Variants in YES1 observed in about 807,000 individuals in gnomAD.
The protein encoded by YES1 is tyrosine-protein kinase Yes.
A neutral mutation model predicts 70.4 loss-of-function variants in YES1; 39 were observed. That is an observed-to-expected ratio of 0.55 (90% confidence interval 0.43 to 0.72). YES1 has a LOEUF of 0.72. Ranked by LOEUF, YES1 falls within the 30% of genes least tolerant of loss-of-function variation. The probability of loss-of-function intolerance (pLI) is 0.00; values close to 1 mark genes in which losing one functional copy is unlikely to be tolerated. For missense variants in YES1, 495 were observed against 644.8 expected, an observed-to-expected ratio of 0.77 and a Z score of 2.52; for synonymous variants, 198 against 218.6, an observed-to-expected ratio of 0.91 and a Z score of 0.83.
intron 1 of YES1, among the ~76,000 whole-genome samples, chr18:808,142 G>A (rs1477291857): frequency 6.6e-6 from 1 of 152,190 alleles, no homozygotes; most frequent in African/African-American, 2.4e-5. Flanking sequence ...ACCCAACGCA[G>A]ACCAGGATAT....
At chr18:732,435 TAAAAAAA>T (rs11460599) in intron 11 of YES1, among the ~76,000 whole-genome samples, 1 of 90,486 alleles carries the variant, frequency 1.1e-5, no homozygotes, top group Non-Finnish European at 2.0e-5. Context: ...AGACTGTGTT[TAAAAAAA>T]AAAAAAAAAA....
Position 756,837 on chromosome 18 carries a change from T to C in YES1, c.-8-2A>G, listed in dbSNP as rs773348637. 2.3e-5 allele frequency: 37 copies of C among 1,608,492 alleles called. No individual in the cohort carries two copies. Among genetic ancestry groups the C allele is most frequent in the Non-Finnish European group, 3.1e-5 (37 of 1,177,120 alleles). On this transcript the variant is annotated splice_acceptor_variant, in intron 1 of 11. Transcript: ENST00000314574. LOFTEE classifies it low-confidence loss of function (5UTR_SPLICE). The stretch of plus-strand genomic sequence containing the variant: ...TTTTAATGCAGCCCATTATCAAATC[T>C]ACAGAGACAATAAAATATTTTGAGA...
chr18:748,050 G>A lies in YES1; in HGVS notation c.372-32C>T, dbSNP rs377206011. The stretch of plus-strand genomic sequence containing the variant: ...CACATAAAACAGCAATCACCGCAAG[G>A]TAGACTATTGCCCAAGGTACAATAT... On this transcript the variant is annotated intron_variant, in intron 3 of 11. Coordinates refer to ENST00000314574, the MANE Select transcript of YES1 (RefSeq NM_005433.4). The A allele has an allele frequency of 1.1e-5, 18 of 1,584,166 alleles. No homozygotes were observed. The African/African-American group carries it at 2.3e-4, about 20-fold the overall frequency.
chr18:759,140 T>C (rs961654865), intron 1 of YES1, among the ~76,000 whole-genome samples: 1 of 152,218 alleles, frequency 6.6e-6, no homozygotes, highest in Non-Finnish European at 1.5e-5. Context: ...TAAATTGGTA[T>C]ATTCTAAAGA....
At chr18:745,646 G>C in intron 6 of YES1, 62 bp downstream of exon 6, 1 of 1,432,846 alleles carries the variant, frequency 7.0e-7, no homozygotes, top group South Asian at 1.3e-5. Context: ...TGAGGATATG[G>C]ATTTTGTCCT....
chr18:784,136 C>T (rs976473563), intron 1 of YES1, among the ~76,000 whole-genome samples: 5 of 152,052 alleles, frequency 3.3e-5, no homozygotes, highest in African/African-American at 4.8e-5. Context: ...GTCCATGGGA[C>T]AGTTACTAAA....
chr18:735,837 A>G (rs1014919470), intron 10 of YES1: 1 of 152,208 alleles, frequency 6.6e-6, no homozygotes, highest in Non-Finnish European at 1.5e-5. Context: ...AAAAAGTGGC[A>G]GCTAAATTAG....
In YES1 at chr18:760,142, T is replaced by C. The variant is rs557887490; in HGVS notation, c.-8-3307A>G. On this transcript the variant is annotated intron_variant, in intron 1 of 11. Coordinates refer to ENST00000314574, the MANE Select transcript of YES1 (RefSeq NM_005433.4). ...CATCTGGGTTGGTTCCAAGTCTTTGTTATTGTGAATAGTGCAATCTGGAGA... is the reference window on the plus strand; with the variant it reads ...CATCTGGGTTGGTTCCAAGTCTTTGCTATTGTGAATAGTGCAATCTGGAGA... Among the ~76,000 whole-genome samples, 19 of 152,184 alleles carry C rather than the reference T, an allele frequency of 1.2e-4. 1 individual carries two copies. Among genetic ancestry groups the C allele is most frequent in the South Asian group, 1.0e-3 (5 of 4,810 alleles).
At chr18:766,521 C>T (rs1446646911) in intron 1 of YES1, among the ~76,000 whole-genome samples, 2 of 150,310 alleles carry the variant, frequency 1.3e-5, no homozygotes, top group African/African-American at 4.9e-5. Context: ...TAGGAAGCAA[C>T]CATTAGAGTT....
At chr18:778,519 A>G (rs975360130) in intron 1 of YES1, among the ~76,000 whole-genome samples, 3 of 152,218 alleles carry the variant, frequency 2.0e-5, no homozygotes, top group Non-Finnish European at 2.9e-5. Flanking sequence ...CATTATTCCT[A>G]TAAATGAACT....
At position 791,211 on chromosome 18, in the gene YES1, T is replaced by C. The variant is rs563105196; in HGVS notation, c.-9+20903A>G. On this transcript the variant is annotated intron_variant, in intron 1 of 11. Transcript: ENST00000314574. ...GTTGCAGTGAGCCAAGATTGTGCCA[T>C]TGCACTCCAGCCTGGCCAACAAGAG... Among the ~76,000 whole-genome samples the C allele has an allele frequency of 1.7e-4, 25 of 149,804 alleles. No individual in the cohort carries two copies. The South Asian group carries it at 2.7e-3, about 16-fold the overall frequency.
chr18:801,936 C>G (rs1906846620), intron 1 of YES1, among the ~76,000 whole-genome samples: 1 of 151,138 alleles, frequency 6.6e-6, no homozygotes, highest in Non-Finnish European at 1.5e-5. Context: ...TTTGGACTTA[C>G]TATATCATTT....
intron 8 of YES1, among the ~76,000 whole-genome samples, chr18:742,531 T>C (rs2145705053): frequency 6.6e-6 from 1 of 152,230 alleles, no homozygotes; most frequent in African/African-American, 2.4e-5. Flanking sequence ...ATTATGTTTA[T>C]ATTAAAATGA....
intron 6 of YES1, among the ~76,000 whole-genome samples, chr18:743,630 G>A (rs372329492): frequency 1.6e-4 from 24 of 152,042 alleles, no homozygotes; most frequent in African/African-American, 5.1e-4. Flanking sequence ...TTTTAAGGCC[G>A]GGCAAGGTGT....
chr18:748,919 G>C (rs536936955), intron 3 of YES1, among the ~76,000 whole-genome samples: 1 of 152,308 alleles, frequency 6.6e-6, no homozygotes, highest in South Asian at 2.1e-4. Flanking sequence ...CCAGCACTTT[G>C]GGAGGCTGAG....
intron 8 of YES1, among the ~76,000 whole-genome samples, chr18:740,925 TCTCA>T (rs1323473032): frequency 2.6e-5 from 4 of 152,082 alleles, no homozygotes; most frequent in East Asian, 3.9e-4. Flanking sequence ...TGAAACGGAG[TCTCA>T]CTCAGTCACC....
Position 743,093 on chromosome 18 carries a change from T to C in YES1, c.885A>G (p.Thr295=). 1.3e-6 allele frequency: 2 copies of C among 1,587,816 alleles called. No individual in the cohort carries two copies. The highest frequency in any genetic ancestry group is 1.7e-6 in the Non-Finnish European group (2 of 1,171,746). Reference sequence around the variant, plus strand: ...TTGCTACTTTCGTGGTTCCATTCCATGTTCCTAAAGAAATAACACATTTTA... The same window carrying C: ...TTGCTACTTTCGTGGTTCCATTCCACGTTCCTAAAGAAATAACACATTTTA... The part of the protein sequence containing the change: ...QGCFGEVWMG[T]WNGTTKVAIK... The change falls in exon 8 of 12, where the codon ACA becomes ACG. Residue 295 remains threonine, a synonymous_variant. Transcript: ENST00000314574.
rs540042040 is a variant in YES1, at chr18:751,629, C to T, written c.371+76G>A. 4.7e-5 allele frequency: 47 copies of T among 991,750 alleles called. 2 individuals carry two copies. Among genetic ancestry groups the T allele is most frequent in the South Asian group, 3.3e-4 (24 of 73,204 alleles). 61.4% of individuals were successfully genotyped at this position (991,750 alleles called of 1,614,324 possible). On this transcript the variant is annotated intron_variant, in intron 3 of 11. Coordinates refer to ENST00000314574, the MANE Select transcript of YES1 (RefSeq NM_005433.4). The stretch of plus-strand genomic sequence containing the variant: ...CCTACCTCTCTCATCTCTGGATCAT[C>T]AACCAGCTCAGTGGTTCCTGTGTAA...
In YES1 at chr18:732,657, G is replaced by A. The variant is rs183485494; in HGVS notation, c.1423+177C>T. ...GATCGTGGCTTTCACTGACTTACCCGTCCAATGCCACAGTTACCCATCCAA... is the reference window on the plus strand; with the variant it reads ...GATCGTGGCTTTCACTGACTTACCCATCCAATGCCACAGTTACCCATCCAA... On this transcript the variant is annotated intron_variant, in intron 11 of 11. Transcript: ENST00000314574. 3.5e-3 allele frequency among the ~76,000 whole-genome samples: 537 copies of A among 152,084 alleles called. 4 individuals are homozygous for A. Among genetic ancestry groups the A allele is most frequent in the African/African-American group, 0.012 (506 of 41,462 alleles).
Sources: allele counts gnomAD v4.1 joint callset (sites outside exome capture counted in the v4.1 genomes callset), GRCh38; gene constraint gnomAD v4.1.1; transcripts MANE v1.5; gene names NCBI Gene and HGNC (gene_info 2026-07-23, HGNC 2026-07-21).